CFAP54: variants seen among roughly 807,000 people sequenced by gnomAD.
The protein encoded by CFAP54 is cilia- and flagella-associated protein 54.
Under a neutral mutation model 370.4 loss-of-function variants are expected in CFAP54, and 290 were observed. The observed-to-expected ratio is 0.78, with a 90% confidence interval of 0.71 to 0.86. The LOEUF (loss-of-function observed/expected upper bound fraction) is 0.86, where lower values mean the gene tolerates loss of function less well. Among genes scored for constraint, CFAP54 ranks in the 40% least tolerant of loss-of-function variants. CFAP54 has a pLI of 0.00. For synonymous variants in CFAP54, 1,206 were observed against 1,236.5 expected (o/e 0.98, Z 0.52); for missense variants, 3,399 against 3,528.7 (o/e 0.96, Z 0.93).
intron 22 of CFAP54, among the ~76,000 whole-genome samples, chr12:96,588,566 T>C (rs528975014): frequency 2.6e-5 from 4 of 152,316 alleles, no homozygotes; most frequent in Admixed American, 6.5e-5. Flanking sequence ...TGAGTATTCA[T>C]TGGCAGATTC....
At position 96,664,157 on chromosome 12, in the gene CFAP54, G is replaced by T. The variant is rs191604146; in HGVS notation, c.5563+225G>T. ...TTATTTTTATTTTAAACTTTTAAGTGCAGGGGTCCATGTGCAGGTTTGTTA... is the reference window on the plus strand; with the variant it reads ...TTATTTTTATTTTAAACTTTTAAGTTCAGGGGTCCATGTGCAGGTTTGTTA... On this transcript the variant is annotated intron_variant, in intron 39 of 67. Coordinates refer to ENST00000524981, the MANE Select transcript of CFAP54 (RefSeq NM_001306084.2). 2.5e-3 allele frequency among the ~76,000 whole-genome samples: 379 copies of T among 152,150 alleles called. 1 individual carries two copies. Among genetic ancestry groups the T allele is most frequent in the Non-Finnish European group, 4.5e-3 (304 of 67,992 alleles).
intron 30 of CFAP54, among the ~76,000 whole-genome samples, chr12:96,628,162 C>G (rs888386947): frequency 2.6e-5 from 4 of 152,296 alleles, no homozygotes; most frequent in Non-Finnish European, 4.4e-5. Flanking sequence ...TGACAAAATT[C>G]CCTAACAAAG....
chr12:96,602,625 T>C (rs1956255700), intron 26 of CFAP54, among the ~76,000 whole-genome samples: 1 of 152,232 alleles, frequency 6.6e-6, no homozygotes, highest in Non-Finnish European at 1.5e-5. Context: ...ACTTGCTTTA[T>C]GAATCTGGGT....
At chr12:96,630,736 G>A in intron 32 of CFAP54, 85 bp downstream of exon 32, 1 of 733,364 alleles carries the variant, frequency 1.4e-6, no homozygotes, top group Non-Finnish European at 2.0e-6. Context: ...GGGATACACT[G>A]GTGGACCAGA....
At chr12:96,578,999 G>C (rs2136423769) in intron 20 of CFAP54, among the ~76,000 whole-genome samples, 1 of 152,226 alleles carries the variant, frequency 6.6e-6, no homozygotes, top group East Asian at 1.9e-4. Flanking sequence ...TATAAAGCCT[G>C]CTTGTAAAAA....
At chr12:96,769,087 C>G (rs951050645) in intron 60 of CFAP54, among the ~76,000 whole-genome samples, 1 of 152,188 alleles carries the variant, frequency 6.6e-6, no homozygotes, top group Non-Finnish European at 1.5e-5. Flanking sequence ...GATGTTGGCA[C>G]TGGCAATGTG....
chr12:96,522,279 A>G lies in CFAP54; in HGVS notation c.1158+90A>G, dbSNP rs1592829975. On this transcript the variant is annotated intron_variant, in intron 8 of 67. Coordinates refer to ENST00000524981, the MANE Select transcript of CFAP54 (RefSeq NM_001306084.2). ...TGTCTTTCAAGCCTAGTCACTCATT[A>G]TTAAATTCTGCCCCCAGTTCTCTGC... 7 of 878,630 alleles carry G rather than the reference A, an allele frequency of 8.0e-6. No individual in the cohort carries two copies. The East Asian group carries it at 1.9e-4, about 23-fold the overall frequency. The allele number at this position is 878,630 out of a possible 1,614,324, so 54.4% of individuals were successfully genotyped here.
At chr12:96,661,490 T>A (rs1441426930) in intron 38 of CFAP54, among the ~76,000 whole-genome samples, 1 of 152,090 alleles carries the variant, frequency 6.6e-6, no homozygotes, top group Non-Finnish European at 1.5e-5. Context: ...GCAGTCAGGA[T>A]CATGAGCAGG....
Position 96,540,827 on chromosome 12 carries a change from C to G in CFAP54, c.1927-10C>G. The G allele has an allele frequency of 1.4e-6, 2 of 1,409,432 alleles. No individual in the cohort carries two copies. Among genetic ancestry groups the G allele is most frequent in the Non-Finnish European group, 1.8e-6 (2 of 1,083,876 alleles). 87.3% of individuals were successfully genotyped at this position (1,409,432 alleles called of 1,614,324 possible). On this transcript the variant is annotated splice_polypyrimidine_tract_variant and intron_variant, in intron 13 of 67. Transcript: ENST00000524981. ...TTTAATTAATTTTGCTGTGTATTTT[C>G]TCTTTTTAGTGGATTTATCTTCTGT...
At chr12:96,839,887 G>A (rs191420614) in intron 66 of CFAP54, among the ~76,000 whole-genome samples, 9 of 152,346 alleles carry the variant, frequency 5.9e-5, no homozygotes, top group African/African-American at 1.9e-4. Context: ...TCTGTGGCTG[G>A]TTGGGCCTCC....
At chr12:96,670,242 C>G (rs1238596785) in intron 39 of CFAP54, among the ~76,000 whole-genome samples, 1 of 152,130 alleles carries the variant, frequency 6.6e-6, no homozygotes, top group Non-Finnish European at 1.5e-5. Context: ...ATACCGTATG[C>G]TTTATGTTAA....
At chr12:96,812,787 A>G (rs944974797) in intron 64 of CFAP54, among the ~76,000 whole-genome samples, 6 of 152,198 alleles carry the variant, frequency 3.9e-5, no homozygotes. Context: ...TGGCATCACC[A>G]TGAAAGAGAC....
At chr12:96,785,487 A>G (rs1333709314) in intron 61 of CFAP54, among the ~76,000 whole-genome samples, 1 of 152,190 alleles carries the variant, frequency 6.6e-6, no homozygotes, top group East Asian at 1.9e-4. Flanking sequence ...AATTTGACCC[A>G]TGCCAGGGCA....
At chr12:96,873,961 G>C (rs1165905614) in intron 67 of CFAP54, among the ~76,000 whole-genome samples, 1 of 152,098 alleles carries the variant, frequency 6.6e-6, no homozygotes, top group Non-Finnish European at 1.5e-5. Context: ...CAAAAAATTT[G>C]GTTCTCCGTA....
At chr12:96,650,102 G>A (rs1408787239) in intron 35 of CFAP54, 30 bp downstream of exon 35, 3 of 1,545,822 alleles carry the variant, frequency 1.9e-6, no homozygotes, top group Non-Finnish European at 2.6e-6. Context: ...TTGCAGTGTA[G>A]TAGACATAAA....
At chr12:96,814,815 C>G (rs1958959843) in intron 64 of CFAP54, among the ~76,000 whole-genome samples, 1 of 152,140 alleles carries the variant, frequency 6.6e-6, no homozygotes, top group African/African-American at 2.4e-5. Flanking sequence ...GTTTGGTTTT[C>G]TGTTCCTGTG....
chr12:96,794,800 G>T (rs1387221163), intron 63 of CFAP54, among the ~76,000 whole-genome samples: 1 of 152,102 alleles, frequency 6.6e-6, no homozygotes, highest in African/African-American at 2.4e-5. Context: ...TCTTCTGGGG[G>T]TGTTAAAGAA....
chr12:96,565,315 C>A (rs943880162), intron 19 of CFAP54, among the ~76,000 whole-genome samples: 3 of 152,106 alleles, frequency 2.0e-5, no homozygotes, highest in Non-Finnish European at 4.4e-5. Context: ...ATCACTGCAG[C>A]TTTGAACTCC....
At chr12:96,631,338 T>C (rs914245875) in intron 32 of CFAP54, among the ~76,000 whole-genome samples, 1 of 151,910 alleles carries the variant, frequency 6.6e-6, no homozygotes, top group African/African-American at 2.4e-5. Flanking sequence ...TGGTATGCAT[T>C]TCTGTTTTCC....
Sources: gnomAD v4.1 joint callset for allele counts (sites outside exome capture counted in the v4.1 genomes callset) on GRCh38, gnomAD v4.1.1 for gene constraint, MANE v1.5 for transcripts, NCBI Gene and HGNC (gene_info 2026-07-23, HGNC 2026-07-21) for gene names.